Variants in CRY1 observed in about 807,000 individuals in gnomAD.
CRY1 encodes the protein cryptochrome-1.
CRY1 carries 45 observed loss-of-function variants against 76.0 expected under a neutral mutation model. The observed-to-expected ratio is 0.59, with a 90% CI of 0.47 to 0.76. The LOEUF is 0.76. CRY1 is among the 30% of genes least tolerant of loss of function. The probability of loss-of-function intolerance (pLI) is 0.00; values close to 1 mark genes in which losing one functional copy is unlikely to be tolerated. For synonymous variants in CRY1, 248 were observed against 244.0 expected (o/e 1.02, Z -0.15); for missense variants, 587 against 716.4 (o/e 0.82, Z 2.06).
In CRY1 at chr12:106,991,419, G is replaced by C. The variant is rs888302898; in HGVS notation, c.*583C>G. The C allele has an allele frequency of 2.0e-5, 3 of 152,452 alleles. No individual in the cohort carries two copies. The highest frequency in any genetic ancestry group is 1.3e-4 in the Admixed American group (2 of 15,264). 9.4% of individuals were successfully genotyped at this position (152,452 alleles called of 1,614,324 possible). On this transcript the variant is annotated 3_prime_UTR_variant, in exon 13 of 13. Transcript: ENST00000008527. Reference sequence around the variant, plus strand: ...TTCATTTTAGTAATAAATGAACAAAGAAACAGAGACAGAGAACTTAACACA... The same window carrying C: ...TTCATTTTAGTAATAAATGAACAAACAAACAGAGACAGAGAACTTAACACA...
chr12:107,089,123 T>C (rs1953439287), intron 1 of CRY1, among the ~76,000 whole-genome samples: 1 of 152,208 alleles, frequency 6.6e-6, no homozygotes, highest in African/African-American at 2.4e-5. Flanking sequence ...GGATATACCA[T>C]ATTTTGTTTA....
intron 1 of CRY1, among the ~76,000 whole-genome samples, chr12:107,059,952 T>C (rs991883138): frequency 4.6e-5 from 7 of 152,216 alleles, no homozygotes; most frequent in African/African-American, 1.7e-4. Context: ...TAAATATGTG[T>C]GATATAAATA....
chr12:107,034,742 G>C (rs931008398), intron 1 of CRY1, among the ~76,000 whole-genome samples: 1 of 152,128 alleles, frequency 6.6e-6, no homozygotes, highest in African/African-American at 2.4e-5. Flanking sequence ...AAAGGCATAA[G>C]GATGGGAAAG....
chr12:107,022,794 A>G (rs895258937), intron 1 of CRY1, among the ~76,000 whole-genome samples: 4 of 151,884 alleles, frequency 2.6e-5, no homozygotes, highest in African/African-American at 9.7e-5. Context: ...AGTAGATGCC[A>G]AATTATGTGG....
intron 7 of CRY1, among the ~76,000 whole-genome samples, chr12:106,999,273 A>G (rs943975745): frequency 6.6e-6 from 1 of 152,176 alleles, no homozygotes; most frequent in African/African-American, 2.4e-5. Context: ...ATATCTATCA[A>G]CAAATTCAGT....
At chr12:107,050,841 T>TG (rs914120616) in intron 1 of CRY1, among the ~76,000 whole-genome samples, 1 of 152,066 alleles carries the variant, frequency 6.6e-6, no homozygotes, top group Non-Finnish European at 1.5e-5. Flanking sequence ...AATGGGTGTT[T>TG]GGATGTCAAT....
At chr12:107,001,726 A>G in intron 4 of CRY1, 38 bp downstream of exon 4, 3 of 1,457,640 alleles carry the variant, frequency 2.1e-6, no homozygotes, top group Non-Finnish European at 2.7e-6. Context: ...ATGATTTATT[A>G]ACTTGCAAGC....
chr12:107,004,072 T>C (rs1335197795), intron 3 of CRY1, among the ~76,000 whole-genome samples: 1 of 152,162 alleles, frequency 6.6e-6, no homozygotes, highest in East Asian at 1.9e-4. Flanking sequence ...CCCAAAGTGC[T>C]GGGATTACAG....
intron 9 of CRY1, 31 bp downstream of exon 9, chr12:106,997,457 G>C: frequency 1.9e-6 from 3 of 1,612,828 alleles, no homozygotes; most frequent in Non-Finnish European, 2.5e-6. Flanking sequence ...ATAAACAGCT[G>C]CCAAAGAAAC....
At chr12:106,996,305 T>C (rs1952232566) in intron 10 of CRY1, among the ~76,000 whole-genome samples, 1 of 152,238 alleles carries the variant, frequency 6.6e-6, no homozygotes, top group South Asian at 2.1e-4. Context: ...ATGATCTCGT[T>C]CCTTTTTATG....
intron 3 of CRY1, among the ~76,000 whole-genome samples, chr12:107,004,899 C>T (rs542958373): frequency 6.6e-4 from 101 of 152,254 alleles, no homozygotes; most frequent in African/African-American, 2.4e-3. Flanking sequence ...GGGTCAATAG[C>T]AGCTAAATAA....
At chr12:107,069,701 A>G (rs1953163972) in intron 1 of CRY1, among the ~76,000 whole-genome samples, 2 of 144,330 alleles carry the variant, frequency 1.4e-5, no homozygotes, top group South Asian at 4.2e-4. Context: ...TAAAGTGTAT[A>G]TATAGTGTAT....
intron 1 of CRY1, among the ~76,000 whole-genome samples, chr12:107,033,609 C>T (rs574411036): frequency 1.3e-5 from 2 of 151,982 alleles, no homozygotes; most frequent in Admixed American, 1.3e-4. Context: ...CTGTAATTCA[C>T]CTCATTCATA....
chr12:107,039,597 G>T (rs1952775493), intron 1 of CRY1, among the ~76,000 whole-genome samples: 1 of 152,080 alleles, frequency 6.6e-6, no homozygotes, highest in South Asian at 2.1e-4. Context: ...TTAGAGAAAT[G>T]CAAATCAAAA....
intron 1 of CRY1, among the ~76,000 whole-genome samples, chr12:107,037,863 C>CA (rs1285402795): frequency 6.6e-6 from 1 of 152,086 alleles, no homozygotes; most frequent in Non-Finnish European, 1.5e-5. Flanking sequence ...CACATACCAG[C>CA]ACACCTGGCT....
intron 3 of CRY1, among the ~76,000 whole-genome samples, chr12:107,002,656 C>T (rs529456366): frequency 6.6e-6 from 1 of 152,110 alleles, no homozygotes; most frequent in African/African-American, 2.4e-5. Flanking sequence ...ACTTTGTATC[C>T]TTGGACCTAC....
intron 1 of CRY1, among the ~76,000 whole-genome samples, chr12:107,091,086 C>G (rs1953466609): frequency 6.6e-6 from 1 of 151,852 alleles, no homozygotes; most frequent in Non-Finnish European, 1.5e-5. Context: ...GTCACTCAGG[C>G]TGGAGTGCAG....
chr12:107,028,200 C>A (rs1056074294), intron 1 of CRY1, among the ~76,000 whole-genome samples: 3 of 151,930 alleles, frequency 2.0e-5, no homozygotes, highest in Admixed American at 1.3e-4. Context: ...CAGTCATTAA[C>A]CAAAGTCTAT....
At chr12:107,021,618 G>A (rs1294445298) in intron 2 of CRY1, among the ~76,000 whole-genome samples, 1 of 152,092 alleles carries the variant, frequency 6.6e-6, no homozygotes, top group African/African-American at 2.4e-5. Flanking sequence ...GCAGAGAATG[G>A]TGTGTATAGT....
Sources: gnomAD v4.1 joint callset for allele counts (sites outside exome capture counted in the v4.1 genomes callset) on GRCh38, gnomAD v4.1.1 for gene constraint, MANE v1.5 for transcripts, NCBI Gene and HGNC (gene_info 2026-07-23, HGNC 2026-07-21) for gene names.